Variants in HYAL4 observed in about 807,000 individuals in gnomAD.
HYAL4 encodes the protein hyaluronidase-4.
HYAL4 carries 37 observed loss-of-function variants against 35.2 expected under a neutral mutation model. The observed-to-expected ratio is 1.05, with a 90% CI of 0.81 to 1.38. The LOEUF (loss-of-function observed/expected upper bound fraction) is 1.38, where lower values mean the gene tolerates loss of function less well. Ranked by LOEUF, HYAL4 falls within the 40% of genes most tolerant of loss-of-function variation. HYAL4 has a pLI of 0.00. For synonymous variants in HYAL4, 198 were observed against 203.2 expected, an observed-to-expected ratio of 0.97 and a Z score of 0.22; for missense variants, 572 against 572.4, an observed-to-expected ratio of 1.00 and a Z score of 0.01.
At chr7:123,771,954 C>G in the HYAL4 span, among the ~76,000 whole-genome samples, 18 of 151,964 alleles carry the variant, frequency 1.2e-4, no homozygotes, top group Admixed American at 3.9e-4. Flanking sequence ...AGAAATTAAC[C>G]ACTTTTGCTT....
chr7:123,768,527 T>C, the HYAL4 span, among the ~76,000 whole-genome samples: 4 of 152,150 alleles, frequency 2.6e-5, no homozygotes, highest in Non-Finnish European at 5.9e-5. Flanking sequence ...ACTCGGGATG[T>C]TTTTTGCTTA....
chr7:123,875,719 AT>A lies in HYAL4; in HGVS notation c.1044+878del, dbSNP rs889087043. ...GCTCTTCAAATTTCTCTCAGCTGAGATTTTTTTTTACTCCAGGAAAGATTCC... is the reference window on the plus strand; with the variant it reads ...GCTCTTCAAATTTCTCTCAGCTGAGATTTTTTTTACTCCAGGAAAGATTCC... On this transcript the variant is annotated intron_variant, in intron 4 of 4. Transcript: ENST00000223026. Among the ~76,000 whole-genome samples the A allele has an allele frequency of 3.3e-5, 5 of 150,632 alleles. No individual in the cohort carries two copies. The South Asian group carries it at 8.4e-4, about 25-fold the overall frequency.
intron 1 of HYAL4, among the ~76,000 whole-genome samples, chr7:123,839,284 G>A (rs1368432205): frequency 6.6e-6 from 1 of 151,980 alleles, no homozygotes; most frequent in African/African-American, 2.4e-5. Context: ...ATGGTTTCTG[G>A]CTTCATCCAT....
chr7:123,833,171 T>C (rs116771673), intron 1 of HYAL4, among the ~76,000 whole-genome samples: 238 of 152,316 alleles, frequency 1.6e-3, no homozygotes, highest in African/African-American at 4.8e-3. Context: ...CTTTCCATAG[T>C]GATTGTACTA....
chr7:123,838,804 T>C (rs115576233), intron 1 of HYAL4, among the ~76,000 whole-genome samples: 2,421 of 152,222 alleles, frequency 0.016, 66 homozygotes, highest in African/African-American at 0.055. Context: ...TAACATAGTC[T>C]CAAACTTCTT....
the HYAL4 span, among the ~76,000 whole-genome samples, chr7:123,782,532 C>A: frequency 6.6e-6 from 1 of 151,190 alleles, no homozygotes; most frequent in African/African-American, 2.4e-5. Context: ...AAAAAAAAAA[C>A]CCTATAAAAG....
At chr7:123,764,142 C>T in the HYAL4 span, among the ~76,000 whole-genome samples, 1 of 152,114 alleles carries the variant, frequency 6.6e-6, no homozygotes, top group East Asian at 1.9e-4. Context: ...ATCACCACGC[C>T]TGACTAATTA....
the HYAL4 span, among the ~76,000 whole-genome samples, chr7:123,821,977 A>G: frequency 2.8e-4 from 42 of 151,950 alleles, no homozygotes; most frequent in Non-Finnish European, 5.6e-4. Context: ...TTACTTCTGG[A>G]CTCTCTATTC....
the HYAL4 span, among the ~76,000 whole-genome samples, chr7:123,810,995 T>G: frequency 1.3e-5 from 2 of 152,246 alleles, no homozygotes; most frequent in African/African-American, 2.4e-5. Flanking sequence ...TTAAGTTTAC[T>G]CCACATCATT....
chr7:123,822,158 T>C, the HYAL4 span, among the ~76,000 whole-genome samples: 1 of 152,126 alleles, frequency 6.6e-6, no homozygotes, highest in Non-Finnish European at 1.5e-5. Context: ...AAAGTTTAGT[T>C]TTTTGTTTTC....
At chr7:123,823,513 TAGAG>T in the HYAL4 span, among the ~76,000 whole-genome samples, 8 of 152,050 alleles carry the variant, frequency 5.3e-5, no homozygotes, top group Non-Finnish European at 1.2e-4. Context: ...TTTGAAGAGT[TAGAG>T]AGAGATTAGC....
At chr7:123,822,261 G>A in the HYAL4 span, among the ~76,000 whole-genome samples, 1 of 151,982 alleles carries the variant, frequency 6.6e-6, no homozygotes, top group Non-Finnish European at 1.5e-5. Flanking sequence ...ACAATATTAA[G>A]TTTTTCTATC....
the HYAL4 span, among the ~76,000 whole-genome samples, chr7:123,772,580 A>G: frequency 6.6e-6 from 1 of 152,186 alleles, no homozygotes; most frequent in Non-Finnish European, 1.5e-5. Context: ...AGGGTGCTTC[A>G]TCTTAGTGGT....
At chr7:123,816,859 T>A in the HYAL4 span, among the ~76,000 whole-genome samples, 1 of 152,184 alleles carries the variant, frequency 6.6e-6, no homozygotes, top group African/African-American at 2.4e-5. Flanking sequence ...CATTTTTTTT[T>A]AAACCAGTCC....
At chr7:123,793,562 A>G in the HYAL4 span, among the ~76,000 whole-genome samples, 19 of 152,122 alleles carry the variant, frequency 1.2e-4, no homozygotes, top group East Asian at 1.9e-4. Context: ...TACTCTTTTC[A>G]TGATAGTGAG....
the HYAL4 span, among the ~76,000 whole-genome samples, chr7:123,780,318 C>T: frequency 6.6e-6 from 1 of 152,200 alleles, no homozygotes; most frequent in Non-Finnish European, 1.5e-5. Context: ...ATCTTACCAG[C>T]TAAGTGCTTT....
At chr7:123,789,283 C>T in the HYAL4 span, among the ~76,000 whole-genome samples, 1 of 152,130 alleles carries the variant, frequency 6.6e-6, no homozygotes, top group African/African-American at 2.4e-5. Flanking sequence ...GCGGTAGTGA[C>T]CATTTTCAGC....
the HYAL4 span, among the ~76,000 whole-genome samples, chr7:123,816,102 T>C: frequency 2.0e-5 from 3 of 152,306 alleles, no homozygotes; most frequent in South Asian, 4.1e-4. Context: ...TCTTATACTT[T>C]AACACTTTTT....
At chr7:123,795,371 A>G in the HYAL4 span, among the ~76,000 whole-genome samples, 1 of 152,136 alleles carries the variant, frequency 6.6e-6, no homozygotes, top group African/African-American at 2.4e-5. Context: ...TTAAAATGCA[A>G]AGACATGAGA....
Sources: gnomAD v4.1 joint callset for allele counts (sites outside exome capture counted in the v4.1 genomes callset) on GRCh38, gnomAD v4.1.1 for gene constraint, MANE v1.5 for transcripts, NCBI Gene and HGNC (gene_info 2026-07-23, HGNC 2026-07-21) for gene names.